Variants in POLN observed in about 807,000 individuals in gnomAD.
POLN encodes the protein DNA polymerase N.
Under a neutral mutation model 113.5 loss-of-function variants are expected in POLN, and 108 were observed. That is an observed-to-expected ratio of 0.95 (90% CI 0.81 to 1.12). The LOEUF is 1.12. Among genes scored for constraint, POLN ranks in the 50% most tolerant of loss-of-function variants. POLN has a pLI of 0.00. For synonymous variants in POLN, 386 were observed against 391.5 expected (o/e 0.99, Z 0.17); for missense variants, 1,097 against 1,077.1 (o/e 1.02, Z -0.26).
In POLN at chr4:2,208,380, C is replaced by T. The variant is rs1733910368; in HGVS notation, c.321G>A (p.Lys107=). 1 of 1,613,514 alleles carries T rather than the reference C, an allele frequency of 6.2e-7. No homozygotes were observed. The highest frequency in any genetic ancestry group is 1.7e-5 in the Admixed American group (1 of 59,944). ...TTGAAAGAGTCAATGAGCTGATGCT[C>T]TTCTGTTTTTGGTCAGCAGACAGCT... ...TDQLSADQKQ[K]SISSLTLSSC... The change falls in exon 5 of 26, where the codon AAG becomes AAA. Residue 107 remains lysine (K), a synonymous_variant. Transcript: ENST00000511885.
At chr4:2,224,988 C>G (rs545326185) in intron 3 of POLN, among the ~76,000 whole-genome samples, 1 of 152,044 alleles carries the variant, frequency 6.6e-6, no homozygotes, top group East Asian at 1.9e-4. Context: ...GCTATGATAA[C>G]AGTACAGCTA....
intron 21 of POLN, among the ~76,000 whole-genome samples, chr4:2,085,020 G>T (rs996174455): frequency 3.9e-5 from 6 of 152,202 alleles, no homozygotes; most frequent in East Asian, 3.9e-4. Flanking sequence ...TAAGTGAGGC[G>T]TCAGCTTAGC....
At chr4:2,215,643 G>A (rs1734096313) in intron 3 of POLN, among the ~76,000 whole-genome samples, 1 of 152,144 alleles carries the variant, frequency 6.6e-6, no homozygotes, top group African/African-American at 2.4e-5. Context: ...GCTGTCCCAG[G>A]AGCAGGGACA....
rs73799520 is a variant in POLN, at chr4:2,126,295, C to T, written c.1982+1818G>A. 2.0e-3 allele frequency among the ~76,000 whole-genome samples: 301 copies of T among 152,314 alleles called. 1 individual carries two copies. The highest frequency in any genetic ancestry group is 6.9e-3 in the African/African-American group (286 of 41,564). ...GTAACATTCTCAATCCTCTGCTCCC[C>T]GTATATAAAATATTTCTTCCTGAAT... On this transcript the variant is annotated intron_variant, in intron 19 of 25. Coordinates refer to ENST00000511885, the MANE Select transcript of POLN (RefSeq NM_181808.4). This position sits in a 1 kb window ranked among gnomAD's most constrained non-coding sequence, Gnocchi z 4.6.
Position 2,147,643 on chromosome 4 carries a change from C to CTTTTTT in POLN, c.1731+9139_1731+9144dup, listed in dbSNP as rs747184067. Among the ~76,000 whole-genome samples, 5 of 79,364 alleles carry CTTTTTT rather than the reference C, an allele frequency of 6.3e-5. No homozygotes were observed. In the East Asian group the frequency reaches 9.7e-4, roughly 15 times the overall value. The allele number at this position is 79,364 out of a possible 152,430, so 52.1% of individuals were successfully genotyped here. On this transcript the variant is annotated intron_variant, in intron 16 of 25. Transcript: ENST00000511885. ...AGATCAGACATCCAGTTTTTCTTTTCTTTTTTTTTTTTTTTTGAGACAAAG... is the reference window on the plus strand; with the variant it reads ...AGATCAGACATCCAGTTTTTCTTTTCTTTTTTTTTTTTTTTTTTTTTTGAGACAAAG...
chr4:2,190,912 C>T (rs1733423744), intron 7 of POLN, among the ~76,000 whole-genome samples: 1 of 152,160 alleles, frequency 6.6e-6, no homozygotes, highest in Admixed American at 6.5e-5. Flanking sequence ...AACCCTCATA[C>T]ACTATTGGTA....
chr4:2,186,543 T>C (rs955674222), intron 7 of POLN, among the ~76,000 whole-genome samples: 8 of 152,086 alleles, frequency 5.3e-5, no homozygotes, highest in Non-Finnish European at 1.5e-5. Flanking sequence ...GGGCTTAAGG[T>C]GCCACCTAGT....
Position 2,073,035 on chromosome 4 carries a change from G to A in POLN, c.2456-6C>T. The A allele has an allele frequency of 1.2e-6, 2 of 1,613,238 alleles. No individual in the cohort carries two copies. Among genetic ancestry groups the A allele is most frequent in the Non-Finnish European group, 8.5e-7 (1 of 1,179,848 alleles). ...CATGGTCCTCCTGACGAGAGCTAGAGTGCGGAAGAGAGAGGAGGCCCTGCT... is the reference window on the plus strand; with the variant it reads ...CATGGTCCTCCTGACGAGAGCTAGAATGCGGAAGAGAGAGGAGGCCCTGCT... On this transcript the variant is annotated splice_region_variant and splice_polypyrimidine_tract_variant and intron_variant, in intron 24 of 25. Coordinates refer to ENST00000511885, the MANE Select transcript of POLN (RefSeq NM_181808.4).
chr4:2,151,371 A>G (rs1356221848), intron 16 of POLN, among the ~76,000 whole-genome samples: 1 of 152,248 alleles, frequency 6.6e-6, no homozygotes, highest in East Asian at 1.9e-4. Context: ...AGGAATGTCA[A>G]ATGGTAGAAC....
chr4:2,193,897 C>T (rs904541355), intron 6 of POLN, among the ~76,000 whole-genome samples: 7 of 152,210 alleles, frequency 4.6e-5, no homozygotes, highest in Non-Finnish European at 8.8e-5. Flanking sequence ...CCTATCCACA[C>T]ATGTAGTACA....
chr4:2,212,507 T>A (rs1734016602), intron 4 of POLN, among the ~76,000 whole-genome samples: 1 of 152,146 alleles, frequency 6.6e-6, no homozygotes, highest in Admixed American at 6.5e-5. Flanking sequence ...CCTGAGTAGC[T>A]GGGACTACAG....
chr4:2,175,114 G>A (rs759567692), intron 9 of POLN, among the ~76,000 whole-genome samples: 13 of 152,046 alleles, frequency 8.6e-5, no homozygotes, highest in Non-Finnish European at 7.4e-5. Context: ...ATGAGCCACC[G>A]CACCCAACCA....
rs753973073 is a variant in POLN, at chr4:2,072,295, G to A, written c.2522C>T (p.Pro841Leu). 1.3e-6 allele frequency: 2 copies of A among 1,565,132 alleles called. No homozygotes were observed. Among genetic ancestry groups the A allele is most frequent in the East Asian group, 2.3e-5 (1 of 44,046 alleles). The change falls in exon 26 of 26, where the codon CCC becomes CTC. Residue 841 changes from proline to leucine, a missense_variant. By Grantham distance (98) the Pro-to-Leu change is moderately conservative. Transcript: ENST00000511885. ...GCCGGCACTCAGGCTCACCTTGAGG[G>A]GTACCTGCAGGTGGCAGCCAGAGGT... ...VQALELQLQV[P>L]LKVSLSAGRS... is the part of the protein sequence containing the mutation.
intron 16 of POLN, among the ~76,000 whole-genome samples, chr4:2,154,805 T>A (rs569648406): frequency 6.6e-6 from 1 of 152,260 alleles, no homozygotes; most frequent in East Asian, 1.9e-4. Context: ...TAAATGACCA[T>A]CAATAGGGGC....
chr4:2,088,625 T>C, intron 20 of POLN: 1 of 643,256 alleles, frequency 1.6e-6, no homozygotes, highest in East Asian at 3.4e-5. Context: ...AAAATCACAA[T>C]TTGAATCCCA....
At chr4:2,117,724 C>T (rs1198869190) in intron 19 of POLN, among the ~76,000 whole-genome samples, 2 of 152,238 alleles carry the variant, frequency 1.3e-5, no homozygotes, top group African/African-American at 4.8e-5. Context: ...TAGGCTTGGG[C>T]AAAGGTCCTG....
chr4:2,176,778 A>T (rs1733007969), intron 8 of POLN, among the ~76,000 whole-genome samples: 2 of 152,066 alleles, frequency 1.3e-5, no homozygotes, highest in Admixed American at 6.6e-5. Flanking sequence ...TTCTCACCCC[A>T]GGAGATGCAC....
At chr4:2,075,592 G>A in intron 23 of POLN, 73 bp from the exon 24 acceptor site, 8 of 1,539,678 alleles carry the variant, frequency 5.2e-6, no homozygotes, top group Non-Finnish European at 7.2e-6. Context: ...GGCAGGGAGG[G>A]AGGGAGTCAA....
At chr4:2,208,865 G>A (rs1371833873) in intron 4 of POLN, among the ~76,000 whole-genome samples, 2 of 152,138 alleles carry the variant, frequency 1.3e-5, no homozygotes, top group Non-Finnish European at 2.9e-5. Context: ...GCAGGCGCTT[G>A]TAATTCCAGC....
Sources: allele counts gnomAD v4.1 joint callset (sites outside exome capture counted in the v4.1 genomes callset), GRCh38; gene constraint gnomAD v4.1.1; non-coding constraint Gnocchi (gnomAD v3.1); transcripts MANE v1.5; gene names NCBI Gene and HGNC (gene_info 2026-07-23, HGNC 2026-07-21).